CPPED1: variants seen among roughly 807,000 people sequenced by gnomAD.
CPPED1 encodes the protein serine/threonine-protein phosphatase CPPED1.
A neutral mutation model predicts 28.0 loss-of-function variants in CPPED1; 28 were observed. The ratio of observed to expected loss-of-function variants is 1.00; its 90% CI spans 0.74 to 1.37. The LOEUF is 1.37. CPPED1 is among the 40% of genes most tolerant of loss of function. The pLI, the probability that CPPED1 is intolerant of heterozygous loss-of-function variation, is 0.00. For synonymous variants in CPPED1, 198 were observed against 180.2 expected (o/e 1.10, Z -0.79); for missense variants, 504 against 416.5 (o/e 1.21, Z -1.83).
In CPPED1 at chr16:12,803,783, C is replaced by G. The variant is rs764929462; in HGVS notation, c.-7G>C. ...CCGCCTCTGCAGCCGACATGGCGAG[C>G]GAGTTTCTGGCCTTCACTTAGAACA... On this transcript the variant is annotated 5_prime_UTR_variant, in exon 1 of 4. Coordinates refer to ENST00000381774, the MANE Select transcript of CPPED1 (RefSeq NM_018340.3). The G allele has an allele frequency of 1.5e-5, 24 of 1,597,898 alleles. No individual in the cohort carries two copies. The highest frequency in any genetic ancestry group is 1.7e-4 in the Middle Eastern group (1 of 6,048).
At chr16:12,781,525 G>T in intron 1 of CPPED1, 122 bp from the exon 2 acceptor site, 1 of 825,052 alleles carries the variant, frequency 1.2e-6, no homozygotes, top group Non-Finnish European at 1.9e-6. Flanking sequence ...ATTTTAATAA[G>T]CTGTGGTTCA....
intron 2 of CPPED1, among the ~76,000 whole-genome samples, chr16:12,726,100 G>A (rs2141201641): frequency 6.6e-6 from 1 of 152,156 alleles, no homozygotes. Flanking sequence ...GGAGTGCAAT[G>A]GCACAATCTT....
At chr16:12,776,039 G>A (rs1567303623) in intron 2 of CPPED1, among the ~76,000 whole-genome samples, 1 of 152,200 alleles carries the variant, frequency 6.6e-6, no homozygotes, top group Non-Finnish European at 1.5e-5. Context: ...ATCTGCAGAT[G>A]GGATTATGTT....
At chr16:12,672,496 T>C (rs947630214) in intron 3 of CPPED1, among the ~76,000 whole-genome samples, 1 of 152,248 alleles carries the variant, frequency 6.6e-6, no homozygotes, top group Non-Finnish European at 1.5e-5. Flanking sequence ...TTAATATGTA[T>C]AGCACACTGC....
At chr16:12,768,265 G>A (rs954906878) in intron 2 of CPPED1, among the ~76,000 whole-genome samples, 1 of 152,114 alleles carries the variant, frequency 6.6e-6, no homozygotes, top group Non-Finnish European at 1.5e-5. Flanking sequence ...CTCATTTTAA[G>A]CCTTCTCAAA....
In CPPED1 at chr16:12,685,470, A is replaced by C. The variant is rs573290307; in HGVS notation, c.715+19154T>G. Among the ~76,000 whole-genome samples, 3 of 152,316 alleles carry C rather than the reference A, an allele frequency of 2.0e-5. No homozygotes were observed. The South Asian group carries it at 6.2e-4, about 32-fold the overall frequency. On this transcript the variant is annotated intron_variant, in intron 3 of 3. Transcript: ENST00000381774. The stretch of plus-strand genomic sequence containing the variant: ...ATCTCAAAAAATAAATAAATGAATA[A>C]AATGATAATAATAGCAATAATAATA...
intron 2 of CPPED1, among the ~76,000 whole-genome samples, chr16:12,708,740 G>C (rs2080064615): frequency 6.6e-6 from 1 of 152,192 alleles, no homozygotes; most frequent in South Asian, 2.1e-4. Context: ...CAACAACTTA[G>C]TATTAACAAA....
chr16:12,772,036 T>G (rs767634064), intron 2 of CPPED1, among the ~76,000 whole-genome samples: 1 of 152,080 alleles, frequency 6.6e-6, no homozygotes, highest in African/African-American at 2.4e-5. Flanking sequence ...GGCAGGAGAA[T>G]TGCTTGAACC....
rs2079849914 is a variant in CPPED1, at chr16:12,670,914, G to A, written c.716-5799C>T. 6.6e-6 allele frequency among the ~76,000 whole-genome samples: 1 copy of A among 152,016 alleles called. No homozygotes were observed. Among genetic ancestry groups the A allele is most frequent in the South Asian group, 2.1e-4 (1 of 4,824 alleles). The stretch of plus-strand genomic sequence containing the variant: ...CGCCCATGCTGAAGTACAGTGGTGC[G>A]ATCTCGGCTCACTGCAAACTCCGCC... On this transcript the variant is annotated intron_variant, in intron 3 of 3. Transcript: ENST00000381774. The surrounding 1 kb of genome is among the most constrained non-coding windows in gnomAD (Gnocchi z 4.2).
intron 2 of CPPED1, among the ~76,000 whole-genome samples, chr16:12,747,755 T>A (rs1054433721): frequency 6.6e-6 from 1 of 152,134 alleles, no homozygotes; most frequent in African/African-American, 2.4e-5. Context: ...GTGCACTCAT[T>A]ATTGTGATTG....
At chr16:12,802,236 C>G (rs1246042454) in intron 1 of CPPED1, among the ~76,000 whole-genome samples, 2 of 152,092 alleles carry the variant, frequency 1.3e-5, no homozygotes, top group African/African-American at 4.8e-5. Context: ...TATAATCATC[C>G]AATGGAATGT....
At chr16:12,688,270 G>A (rs2079943779) in intron 3 of CPPED1, among the ~76,000 whole-genome samples, 1 of 151,624 alleles carries the variant, frequency 6.6e-6, no homozygotes, top group Non-Finnish European at 1.5e-5. Flanking sequence ...TGTGACTTAT[G>A]GGGAGAGAAA....
intron 2 of CPPED1, among the ~76,000 whole-genome samples, chr16:12,777,589 A>T (rs1422934393): frequency 6.6e-6 from 1 of 152,242 alleles, no homozygotes; most frequent in African/African-American, 2.4e-5. Context: ...TGCAAAACAA[A>T]AATGTGTTTC....
chr16:12,702,706 C>T (rs1382977321), intron 3 of CPPED1, among the ~76,000 whole-genome samples: 4 of 152,010 alleles, frequency 2.6e-5, no homozygotes, highest in Non-Finnish European at 1.5e-5. Flanking sequence ...CATCATCTAA[C>T]ATTAGATCTG....
At chr16:12,679,292 C>T (rs2079893301) in intron 3 of CPPED1, among the ~76,000 whole-genome samples, 1 of 152,198 alleles carries the variant, frequency 6.6e-6, no homozygotes, top group African/African-American at 2.4e-5. Context: ...GGTGGATATT[C>T]TTTTTACTAT....
At chr16:12,711,906 C>A (rs1316285706) in intron 2 of CPPED1, among the ~76,000 whole-genome samples, 2 of 152,136 alleles carry the variant, frequency 1.3e-5, no homozygotes, top group Non-Finnish European at 2.9e-5. Context: ...TCCCCTCTTT[C>A]TAACAGCCCC....
At chr16:12,789,093 T>C (rs531143784) in intron 1 of CPPED1, among the ~76,000 whole-genome samples, 1 of 152,338 alleles carries the variant, frequency 6.6e-6, no homozygotes, top group South Asian at 2.1e-4. Context: ...TTCATAAATA[T>C]ACCTGGCTTT....
At chr16:12,677,431 G>A (rs1274024593) in intron 3 of CPPED1, among the ~76,000 whole-genome samples, 3 of 152,244 alleles carry the variant, frequency 2.0e-5, no homozygotes, top group Non-Finnish European at 1.5e-5. Context: ...TTGAGGCTAG[G>A]AGTTTGAGAC....
intron 3 of CPPED1, among the ~76,000 whole-genome samples, chr16:12,699,407 G>A (rs2080008407): frequency 6.6e-6 from 1 of 151,964 alleles, no homozygotes; most frequent in Non-Finnish European, 1.5e-5. Flanking sequence ...GCACTTGGAG[G>A]CTGGCAGGCT....
Sources: gnomAD v4.1 joint callset for allele counts (sites outside exome capture counted in the v4.1 genomes callset) on GRCh38, gnomAD v4.1.1 for gene constraint, Gnocchi (gnomAD v3.1) non-coding constraint, MANE v1.5 for transcripts, NCBI Gene and HGNC (gene_info 2026-07-23, HGNC 2026-07-21) for gene names.